Variants in RHOBTB1 observed in about 807,000 individuals in gnomAD.
RHOBTB1 encodes the protein rho-related BTB domain-containing protein 1.
RHOBTB1 carries 40 observed loss-of-function variants against 71.6 expected under a neutral mutation model. The ratio of observed to expected loss-of-function variants is 0.56; its 90% confidence interval spans 0.43 to 0.73. The LOEUF (loss-of-function observed/expected upper bound fraction) is 0.73, where lower values mean the gene tolerates loss of function less well. RHOBTB1 is among the 30% of genes least tolerant of loss of function. The pLI is 0.00. For missense variants in RHOBTB1, 797 were observed against 894.0 expected, an observed-to-expected ratio of 0.89 and a Z score of 1.38; for synonymous variants, 319 against 334.9, an observed-to-expected ratio of 0.95 and a Z score of 0.52.
intron 2 of RHOBTB1, among the ~76,000 whole-genome samples, chr10:60,973,576 A>G (rs920308674): frequency 6.6e-6 from 1 of 152,056 alleles, no homozygotes; most frequent in East Asian, 1.9e-4. Context: ...TCATATTCAA[A>G]AGAAACAACA....
chr10:60,984,093 A>C (rs1182715210), intron 2 of RHOBTB1, among the ~76,000 whole-genome samples: 2 of 152,196 alleles, frequency 1.3e-5, no homozygotes, highest in Non-Finnish European at 2.9e-5. Context: ...AAATTAGAAA[A>C]GTTTTGCTCC....
In RHOBTB1 at chr10:60,871,463, G is replaced by T. The variant is rs1554826821; in HGVS notation, c.*19C>A. On this transcript the variant is annotated 3_prime_UTR_variant, in exon 11 of 11. Coordinates refer to ENST00000337910, the MANE Select transcript of RHOBTB1 (RefSeq NM_014836.5). ...GATTACCGATTGGTTTCTGTTTTTT[G>T]TTTTTTTTCTCTTCCTCTTCAGGCC... The T allele has an allele frequency of 3.7e-6, 6 of 1,604,892 alleles. No individual in the cohort carries two copies. In the Admixed American group the frequency reaches 6.9e-5, roughly 18 times the overall value.
At chr10:60,956,600 C>A (rs2085601664) in intron 2 of RHOBTB1, among the ~76,000 whole-genome samples, 1 of 151,556 alleles carries the variant, frequency 6.6e-6, no homozygotes, top group East Asian at 1.9e-4. Flanking sequence ...TCTTTATATC[C>A]TTATTGTATA....
intron 2 of RHOBTB1, among the ~76,000 whole-genome samples, chr10:60,925,110 T>C (rs2083792606): frequency 6.6e-6 from 1 of 152,160 alleles, no homozygotes; most frequent in Non-Finnish European, 1.5e-5. Flanking sequence ...CTCTCCCTAT[T>C]GCTCCTCCTC....
chr10:60,932,919 G>C (rs1019839532), intron 2 of RHOBTB1, among the ~76,000 whole-genome samples: 33 of 152,284 alleles, frequency 2.2e-4, no homozygotes, highest in African/African-American at 7.7e-4. Context: ...AGATGTTACC[G>C]AGTTAGCTTC....
rs34154360 is a variant in RHOBTB1, at chr10:60,986,404, G to GATATATAT, written c.-162-467_-162-460dup. Among the ~76,000 whole-genome samples, 561 of 67,598 alleles carry GATATATAT rather than the reference G, an allele frequency of 8.3e-3. 5 individuals carry two copies. The highest frequency in any genetic ancestry group is 0.021 in the African/African-American group (523 of 25,060). 44.3% of individuals were successfully genotyped at this position (67,598 alleles called of 152,430 possible). A position where few individuals can be genotyped will look rare whatever the true frequency, so the allele number is the denominator to read the frequency against. The stretch of plus-strand genomic sequence containing the variant: ...AGAAATTAATGAAATATAAATAAAA[G>GATATATAT]ATATATATATATATATATATATATA... On this transcript the variant is annotated intron_variant, in intron 1 of 11. Transcript: ENST00000357917.
intron 2 of RHOBTB1, among the ~76,000 whole-genome samples, chr10:60,965,689 A>G (rs903123242): frequency 6.6e-6 from 1 of 152,168 alleles, no homozygotes. Context: ...TTTCTTGGCA[A>G]TTCTTCAGGA....
chr10:60,913,049 A>G (rs1332234197), intron 2 of RHOBTB1: 1 of 152,238 alleles, frequency 6.6e-6, no homozygotes, highest in East Asian at 1.9e-4. Flanking sequence ...ATTGGGACTC[A>G]AGTGTTTGTT....
rs753288793 is a variant in RHOBTB1 at position 60,877,924 on chromosome 10, G to A, written c.1710C>T (p.His570=). The A allele has an allele frequency of 1.9e-6, 3 of 1,613,852 alleles. No homozygotes were observed. The South Asian group carries it at 3.3e-5, about 18-fold the overall frequency. The part of the protein sequence containing the change: ...IALANRFCLP[H]LVALAEQHAV... ...CATCCTTACCTGCAAGTGCAACCAA[G>A]TGTGGCAGGCAAAATCTGTTTGCCA... The change falls in exon 8 of 11, where the codon CAC becomes CAT. Residue 570 remains histidine, a synonymous_variant. Coordinates refer to ENST00000337910, the MANE Select transcript of RHOBTB1 (RefSeq NM_014836.5).
intron 9 of RHOBTB1, among the ~76,000 whole-genome samples, chr10:60,872,527 C>A (rs1038542569): frequency 6.6e-6 from 1 of 152,278 alleles, no homozygotes; most frequent in Non-Finnish European, 1.5e-5. Context: ...TAATTAATAT[C>A]GAATCACGAG....
chr10:60,950,259 A>G (rs902257127), intron 2 of RHOBTB1, among the ~76,000 whole-genome samples: 8 of 152,238 alleles, frequency 5.3e-5, no homozygotes, highest in Non-Finnish European at 7.3e-5. Context: ...GACATTTTAA[A>G]AAGCAAAAAT....
At chr10:60,888,130 TTC>T in intron 6 of RHOBTB1, 80 bp downstream of exon 6, 2 of 1,469,198 alleles carry the variant, frequency 1.4e-6, no homozygotes, top group South Asian at 2.7e-5. Context: ...GCTATCGTTC[TTC>T]TTTCTCCTGC....
At chr10:60,974,537 C>A (rs971125840) in intron 2 of RHOBTB1, among the ~76,000 whole-genome samples, 4 of 152,034 alleles carry the variant, frequency 2.6e-5, no homozygotes, top group Non-Finnish European at 5.9e-5. Flanking sequence ...TTCTACACAT[C>A]CATCGAGATT....
intron 2 of RHOBTB1, among the ~76,000 whole-genome samples, chr10:60,984,478 T>G (rs1334394605): frequency 6.6e-6 from 1 of 152,214 alleles, no homozygotes; most frequent in African/African-American, 2.4e-5. Flanking sequence ...ATCTGGCTTA[T>G]GAAACGTAGG....
At chr10:60,936,129 C>T (rs774033799) in intron 2 of RHOBTB1, among the ~76,000 whole-genome samples, 1 of 152,180 alleles carries the variant, frequency 6.6e-6, no homozygotes, top group Non-Finnish European at 1.5e-5. Flanking sequence ...GGAAGTGATT[C>T]CCATCATGGA....
chr10:60,947,379 T>C (rs2085272423), upstream of RHOBTB1, among the ~76,000 whole-genome samples: 1 of 152,162 alleles, frequency 6.6e-6, no homozygotes. Context: ...ATGGCAAATA[T>C]TTTATCAAAG....
At chr10:60,983,031 GA>G (rs1026587367) in intron 2 of RHOBTB1, among the ~76,000 whole-genome samples, 60 of 151,874 alleles carry the variant, frequency 4.0e-4, no homozygotes, top group Middle Eastern at 3.4e-3. Context: ...GGAAACTAAT[GA>G]AAAAAAATTA....
intron 2 of RHOBTB1, among the ~76,000 whole-genome samples, chr10:60,980,159 T>A (rs562641318): frequency 7.5e-4 from 114 of 152,316 alleles, no homozygotes; most frequent in Non-Finnish European, 1.3e-3. Flanking sequence ...TCATTAAAAT[T>A]AATAGTTCAA....
intron 2 of RHOBTB1, among the ~76,000 whole-genome samples, chr10:60,932,918 C>T (rs192342760): frequency 7.9e-5 from 12 of 152,276 alleles, no homozygotes; most frequent in South Asian, 2.1e-4. Context: ...AAGATGTTAC[C>T]GAGTTAGCTT....
Sources: gnomAD v4.1 joint callset for allele counts (sites outside exome capture counted in the v4.1 genomes callset) on GRCh38, gnomAD v4.1.1 for gene constraint, MANE v1.5 for transcripts, NCBI Gene and HGNC (gene_info 2026-07-23, HGNC 2026-07-21) for gene names.